The following MMRN2 variants were observed in gnomAD, a reference collection of about 807,000 sequenced individuals.
MMRN2 encodes multimerin 2, also known as multimerin-2.
A neutral mutation model predicts 68.8 loss-of-function variants in MMRN2; 53 were observed. That is an observed-to-expected ratio of 0.77 (90% CI 0.62 to 0.97). The LOEUF is 0.97. Among genes scored for constraint, MMRN2 ranks in the 50% least tolerant of loss-of-function variants. MMRN2 has a pLI of 0.00. For synonymous variants in MMRN2, 564 were observed against 551.6 expected (o/e 1.02, Z -0.32); for missense variants, 1,266 against 1,259.5 (o/e 1.01, Z -0.08).
chr10:86,937,317 A>G (rs1038334001), intron 6 of MMRN2, among the ~76,000 whole-genome samples, 192 bp from the exon 7 acceptor site: 2 of 151,942 alleles, frequency 1.3e-5, no homozygotes, highest in South Asian at 4.1e-4. Context: ...TTTCACTAAT[A>G]GAGAGGAAGG....
At chr10:86,956,596 T>C (rs1844236571) in intron 1 of MMRN2, among the ~76,000 whole-genome samples, 1 of 152,200 alleles carries the variant, frequency 6.6e-6, no homozygotes, top group Non-Finnish European at 1.5e-5. Context: ...ATCCTGCTCC[T>C]TAGCTGTGTG....
chr10:86,941,704 T>C (rs1027084498), intron 6 of MMRN2, among the ~76,000 whole-genome samples: 8 of 146,018 alleles, frequency 5.5e-5, no homozygotes, highest in Non-Finnish European at 1.2e-4. Context: ...GAGGCTGAAG[T>C]GGGAGGATCA....
rs190432583 is a variant in MMRN2 at position 86,951,584 on chromosome 10, C to A, written c.164+5794G>T. On this transcript the variant is annotated intron_variant, in intron 1 of 6. Coordinates refer to ENST00000372027, the MANE Select transcript of MMRN2 (RefSeq NM_024756.3). ...CAATGACAACATATAAATGAACCAG[C>A]CTGTCTGTGCTCCAATAAAACTTTG... Among the ~76,000 whole-genome samples the A allele has an allele frequency of 1.7e-4, 26 of 152,326 alleles. 1 individual carries two copies. Among genetic ancestry groups the A allele is most frequent in the African/African-American group, 6.0e-4 (25 of 41,570 alleles).
Position 86,943,884 on chromosome 10 carries a change from G to A in MMRN2, c.900C>T (p.Asn300=), listed in dbSNP as rs200179695. The change falls in exon 6 of 7, where the codon AAC becomes AAT. Residue 300 remains asparagine (N), a synonymous_variant. Coordinates refer to ENST00000372027, the MANE Select transcript of MMRN2 (RefSeq NM_024756.3). This position sits in a 1 kb window ranked among gnomAD's most constrained non-coding sequence, Gnocchi z 4.2. Reference sequence around the variant, plus strand: ...GTCGCAGCTGACCCACTCTCTGAGTGTTCTCCTGGACCTTGGCCTCAAATT... The same window carrying A: ...GTCGCAGCTGACCCACTCTCTGAGTATTCTCCTGGACCTTGGCCTCAAATT... ...GAKFEAKVQE[N]TQRVGQLRQD... is the part of the protein sequence containing the mutation. 1.6e-4 allele frequency: 260 copies of A among 1,614,036 alleles called. No individual in the cohort carries two copies. Among genetic ancestry groups the A allele is most frequent in the Non-Finnish European group, 2.1e-4 (253 of 1,180,044 alleles).
At position 86,942,844 on chromosome 10, in the gene MMRN2, C is replaced by A; in HGVS notation, c.1940G>T (p.Gly647Val). 1 of 1,382,268 alleles carries A rather than the reference C, an allele frequency of 7.2e-7. No homozygotes were observed. Among genetic ancestry groups the A allele is most frequent in the Admixed American group, 3.0e-5 (1 of 32,944 alleles). 85.6% of individuals were successfully genotyped at this position (1,382,268 alleles called of 1,614,324 possible). The change falls in exon 6 of 7, where the codon GGG (glycine) becomes GTG (valine). Residue 647 changes from glycine to valine, a missense_variant. By Grantham distance (109) the Gly-to-Val change is moderately radical. Transcript: ENST00000372027. Reference sequence around the variant, plus strand: ...CCAGCCGAGCGCCTGCTCCTGCAGCCCGCTAGCGGCGTCCTGCAGGGCCAC... The same window carrying A: ...CCAGCCGAGCGCCTGCTCCTGCAGCACGCTAGCGGCGTCCTGCAGGGCCAC... ...IRVALQDAAS[G>V]LQEQALGWDE...
At chr10:86,953,822 T>C (rs555483741) in intron 1 of MMRN2, among the ~76,000 whole-genome samples, 131 of 152,348 alleles carry the variant, frequency 8.6e-4, no homozygotes, top group African/African-American at 2.9e-3. Context: ...CCTGGCCTGG[T>C]CCAGCCTGCC....
intron 1 of MMRN2, among the ~76,000 whole-genome samples, chr10:86,952,397 T>C (rs1393813150): frequency 2.6e-5 from 4 of 152,160 alleles, no homozygotes; most frequent in Non-Finnish European, 5.9e-5. Context: ...ATGGGCTCAG[T>C]ATTGGGGGAA....
At chr10:86,945,830 G>C in intron 1 of MMRN2, 141 bp from the exon 2 acceptor site, 1 of 1,485,244 alleles carries the variant, frequency 6.7e-7, no homozygotes, top group South Asian at 1.3e-5. Context: ...AGAGCCTTCC[G>C]CATTATTCAT....
At chr10:86,937,794 T>G (rs1843902450) in intron 6 of MMRN2, among the ~76,000 whole-genome samples, 1 of 152,098 alleles carries the variant, frequency 6.6e-6, no homozygotes, top group African/African-American at 2.4e-5. Context: ...GGAGAAAATA[T>G]CCATCCTCAA....
chr10:86,943,333 T>A lies in MMRN2; in HGVS notation c.1451A>T (p.Asp484Val). ...TLQHLQGGHADLIKYVKDCNC... is the reference protein window; with the variant it reads ...TLQHLQGGHAVLIKYVKDCNC... ...GCAGTCCTTCACGTACTTGATGAGG[T>A]CGGCATGGCCACCCTGCAGGTGCTG... The change falls in exon 6 of 7, where the codon GAC becomes GTC. Residue 484 changes from aspartate to valine, a missense_variant. By Grantham distance (152) the Asp-to-Val change is radical. Transcript: ENST00000372027. This position sits in a 1 kb window ranked among gnomAD's most constrained non-coding sequence, Gnocchi z 4.2. The A allele has an allele frequency of 6.2e-7, 1 of 1,613,816 alleles. No individual in the cohort carries two copies. The highest frequency in any genetic ancestry group is 1.7e-5 in the Admixed American group (1 of 60,016).
intron 6 of MMRN2, among the ~76,000 whole-genome samples, chr10:86,938,561 T>A (rs1014625190): frequency 1.3e-5 from 2 of 152,204 alleles, no homozygotes; most frequent in Non-Finnish European, 2.9e-5. Flanking sequence ...GAAAGGTAAG[T>A]CCTACTTGGG....
chr10:86,946,050 T>TGCACTGCAG (rs968450751), intron 1 of MMRN2, among the ~76,000 whole-genome samples: 10 of 152,206 alleles, frequency 6.6e-5, no homozygotes, highest in African/African-American at 1.9e-4. Flanking sequence ...ACTGCAGCTG[T>TGCACTGCAG]CTGCATGGAT....
At position 86,943,793 on chromosome 10, in the gene MMRN2, C is replaced by A; in HGVS notation, c.991G>T (p.Ala331Ser). Residue 331 changes from alanine (A) to serine (S), a missense_variant, in exon 6 of 7, where the codon GCC becomes TCC. Coordinates refer to ENST00000372027, the MANE Select transcript of MMRN2 (RefSeq NM_024756.3). This position sits in a 1 kb window ranked among gnomAD's most constrained non-coding sequence, Gnocchi z 4.2. Reference protein sequence around the residue: ...TLHRSISELQADVDTKLKRLH... With the variant: ...TLHRSISELQSDVDTKLKRLH... ...CTCTTCAATTTGGTGTCCACATCGG[C>A]TTGGAGCTCTGAGATCGAGCGGTGC... The A allele has an allele frequency of 6.2e-7, 1 of 1,609,678 alleles. No homozygotes were observed. Among genetic ancestry groups the A allele is most frequent in the Non-Finnish European group, 8.5e-7 (1 of 1,179,970 alleles).
intron 3 of MMRN2, 27 bp downstream of exon 3, chr10:86,945,343 G>T (rs377725033): frequency 1.2e-6 from 2 of 1,605,898 alleles, no homozygotes; most frequent in African/African-American, 2.7e-5. Flanking sequence ...GAGGTCAAGG[G>T]GGGAAGGGGG....
intron 1 of MMRN2, 171 bp from the exon 2 acceptor site, chr10:86,945,860 T>C: frequency 2.1e-6 from 3 of 1,439,180 alleles, no homozygotes; most frequent in East Asian, 5.1e-5. Flanking sequence ...CCAGAGCAAA[T>C]GTTTCACAAT....
Position 86,943,094 on chromosome 10 carries a change from G to A in MMRN2, c.1690C>T (p.Leu564Phe). The A allele has an allele frequency of 1.4e-6, 2 of 1,455,898 alleles. No homozygotes were observed. The highest frequency in any genetic ancestry group is 1.8e-6 in the Non-Finnish European group (2 of 1,113,252). The allele number at this position is 1,455,898 out of a possible 1,614,324, so 90.2% of individuals were successfully genotyped here. Residue 564 changes from leucine (L) to phenylalanine (F), a missense_variant, in exon 6 of 7, where the codon CTC (leucine) becomes TTC (phenylalanine). Coordinates refer to ENST00000372027, the MANE Select transcript of MMRN2 (RefSeq NM_024756.3). The surrounding 1 kb of genome is among the most constrained non-coding windows in gnomAD (Gnocchi z 4.2). ...GERARAATSR[L>F]RSQVQALDDE... ...TCCAGCGCCTGCACTTGGCTCCGGA[G>A]CCGCGACGTGGCCGCCCGCGCCCGC...
rs749938379 is a variant in MMRN2, at chr10:86,945,283, A to C, written c.401-15T>G. On this transcript the variant is annotated splice_polypyrimidine_tract_variant and intron_variant, in intron 3 of 6. Transcript: ENST00000372027. ...TGCCATGGAATCTGCAGAAGAAAGC[A>C]TTAGTTATTGACCCCAGTGGTCAGA... is the stretch of plus-strand genomic sequence containing the variant. 3 of 1,613,472 alleles carry C rather than the reference A, an allele frequency of 1.9e-6. No homozygotes were observed. The Admixed American group carries it at 5.0e-5, about 27-fold the overall frequency.
At position 86,945,256 on chromosome 10, in the gene MMRN2, A is replaced by G; in HGVS notation, c.413T>C (p.Ile138Thr). 1 of 1,613,694 alleles carries G rather than the reference A, an allele frequency of 6.2e-7. No individual in the cohort carries two copies. Among genetic ancestry groups the G allele is most frequent in the Non-Finnish European group, 8.5e-7 (1 of 1,179,984 alleles). Reference sequence around the variant, plus strand: ...GTCACCAGGATCTGCAGGCTCAGGGATTGCCATGGAATCTGCAGAAGAAAG... The same window carrying G: ...GTCACCAGGATCTGCAGGCTCAGGGGTTGCCATGGAATCTGCAGAAGAAAG... Reference protein sequence around the residue: ...PNCEHHDSMAIPEPADPGDSH... With the variant: ...PNCEHHDSMATPEPADPGDSH... Residue 138 changes from isoleucine to threonine, a missense_variant, in exon 4 of 7, where the codon ATC becomes ACC. Coordinates refer to ENST00000372027, the MANE Select transcript of MMRN2 (RefSeq NM_024756.3).
rs1844037045 is a variant in MMRN2 at position 86,944,447 on chromosome 10, G to A, written c.482-12C>T. The A allele has an allele frequency of 1.9e-6, 3 of 1,612,938 alleles. No individual in the cohort carries two copies. The African/African-American group carries it at 4.0e-5, about 22-fold the overall frequency. On this transcript the variant is annotated splice_polypyrimidine_tract_variant and intron_variant, in intron 4 of 6. Transcript: ENST00000372027. ...TGCAGCAAGGTGGCCTAAATACACA[G>A]CAGACATAAATGTCAAGGGCTAACT...
Sources: allele counts gnomAD v4.1 joint callset (sites outside exome capture counted in the v4.1 genomes callset), GRCh38; gene constraint gnomAD v4.1.1; non-coding constraint Gnocchi (gnomAD v3.1); transcripts MANE v1.5; gene names NCBI Gene and HGNC (gene_info 2026-07-23, HGNC 2026-07-21).